Variants in SIK3 observed in about 807,000 individuals in gnomAD.
The protein encoded by SIK3 is SIK family kinase 3, also known as serine/threonine-protein kinase SIK3.
A neutral mutation model predicts 144.2 loss-of-function variants in SIK3; 28 were observed. The ratio of observed to expected loss-of-function variants is 0.19; its 90% confidence interval spans 0.14 to 0.27. The LOEUF (loss-of-function observed/expected upper bound fraction) is 0.27. SIK3 is among the 10% of genes least tolerant of loss of function. SIK3 has a pLI of 1.00. For synonymous variants in SIK3, 686 were observed against 676.3 expected (o/e 1.01, Z -0.22); for missense variants, 1,319 against 1,776.0 (o/e 0.74, Z 4.62).
chr11:116,937,194 T>G (rs896849314), intron 3 of SIK3, among the ~76,000 whole-genome samples: 2 of 152,096 alleles, frequency 1.3e-5, no homozygotes, highest in Admixed American at 6.6e-5. Flanking sequence ...ATATGTAGAG[T>G]GTGTTTCTGT....
chr11:116,932,160 C>G (rs1233148427), intron 3 of SIK3, among the ~76,000 whole-genome samples: 4 of 152,218 alleles, frequency 2.6e-5, no homozygotes, highest in Non-Finnish European at 5.9e-5. Context: ...TCACTCCACT[C>G]TAGTGCCACC....
chr11:117,054,317 T>G (rs1457736718), intron 1 of SIK3, among the ~76,000 whole-genome samples: 1 of 152,134 alleles, frequency 6.6e-6, no homozygotes, highest in Non-Finnish European at 1.5e-5. Flanking sequence ...GTATGAGATT[T>G]AGAGTACAGG....
intron 6 of SIK3, among the ~76,000 whole-genome samples, chr11:116,884,350 CT>C (rs71037434): frequency 7.2e-4 from 92 of 128,148 alleles, no homozygotes; most frequent in South Asian, 7.8e-4. Context: ...CCACATCTGG[CT>C]TTTTTTTTTT....
chr11:117,012,876 G>C (rs1190608249), intron 1 of SIK3, among the ~76,000 whole-genome samples: 1 of 101,852 alleles, frequency 9.8e-6, no homozygotes, highest in East Asian at 3.0e-4. Flanking sequence ...TTTTGAGACA[G>C]AGTCTCGCTC....
chr11:117,018,724 T>TA (rs200266018), intron 1 of SIK3, among the ~76,000 whole-genome samples: 47,525 of 151,286 alleles, frequency 0.31, 8,448 homozygotes, highest in African/African-American at 0.49. Context: ...TTATTTATTT[T>TA]TTTTTTTTGA....
chr11:116,893,923 G>C (rs1286908141), intron 6 of SIK3: 1 of 166,804 alleles, frequency 6.0e-6, no homozygotes, highest in Admixed American at 6.6e-5. Flanking sequence ...TTAAGCTTTT[G>C]CTCCTGTTCC....
At chr11:116,875,600 G>A in intron 9 of SIK3, 149 bp from the exon 10 acceptor site, 1 of 883,318 alleles carries the variant, frequency 1.1e-6, no homozygotes, top group Non-Finnish European at 1.7e-6. Context: ...CAACAAGGAA[G>A]CATCCTGTGA....
chr11:117,021,114 A>G (rs1244264395), intron 1 of SIK3, among the ~76,000 whole-genome samples: 1 of 152,200 alleles, frequency 6.6e-6, no homozygotes, highest in African/African-American at 2.4e-5. Context: ...GTGTGGGGAC[A>G]CACTCCCACA....
intron 1 of SIK3, among the ~76,000 whole-genome samples, chr11:117,029,129 G>A (rs763412239): frequency 2.6e-5 from 4 of 152,224 alleles, no homozygotes; most frequent in South Asian, 2.1e-4. Flanking sequence ...GGCTGGTCTC[G>A]AACTCTTGAC....
chr11:116,954,123 G>T lies in SIK3; in HGVS notation c.391-16C>A. The T allele has an allele frequency of 1.2e-6, 2 of 1,611,164 alleles. No individual in the cohort carries two copies. Among genetic ancestry groups the T allele is most frequent in the Non-Finnish European group, 1.7e-6 (2 of 1,177,648 alleles). ...TCTCCATAACCTGGTGCAAAGGCAG[G>T]AAAGTGACAGACAGTGACACAAATG... On this transcript the variant is annotated splice_polypyrimidine_tract_variant and intron_variant, in intron 2 of 24. Transcript: ENST00000445177.
At chr11:116,947,184 A>AATATATTATATATAAATTATTATTTAT (rs1305739350) in intron 3 of SIK3, among the ~76,000 whole-genome samples, 13 of 121,554 alleles carry the variant, frequency 1.1e-4, no homozygotes, top group East Asian at 4.3e-4. Context: ...ATTTATATAT[A>AATATATTATATATAAATTATTATTTAT]ATATATTATA....
In SIK3 at chr11:117,025,668, GTGA is replaced by G. The variant is rs527692741; in HGVS notation, c.274-68607_274-68605del. ...TGGTCTTGAACTCCTAATCACTCAA[GTGA>G]TCCACCTGTCTCAGCCTCCCAAAAT... is the stretch of plus-strand genomic sequence containing the variant. On this transcript the variant is annotated intron_variant, in intron 1 of 24. Coordinates refer to ENST00000445177, the MANE Select transcript of SIK3 (RefSeq NM_001366686.3). 4.6e-5 allele frequency among the ~76,000 whole-genome samples: 7 copies of G among 152,134 alleles called. No individual in the cohort carries two copies. The East Asian group carries it at 1.2e-3, about 25-fold the overall frequency.
chr11:116,984,785 C>T lies in SIK3; in HGVS notation c.274-27721G>A, dbSNP rs113526029. Among the ~76,000 whole-genome samples the T allele has an allele frequency of 2.0e-3, 306 of 152,232 alleles. 1 individual carries two copies. Among genetic ancestry groups the T allele is most frequent in the Middle Eastern group, 6.8e-3 (2 of 294 alleles). On this transcript the variant is annotated intron_variant, in intron 1 of 24. Transcript: ENST00000445177. ...TACCAACAAAATACCAAGGCCATTACGCAATTTGTGGTTTCTTCTCATAAC... is the reference window on the plus strand; with the variant it reads ...TACCAACAAAATACCAAGGCCATTATGCAATTTGTGGTTTCTTCTCATAAC...
intron 1 of SIK3, among the ~76,000 whole-genome samples, chr11:117,011,282 T>C (rs747085437): frequency 1.3e-5 from 2 of 151,962 alleles, no homozygotes; most frequent in African/African-American, 2.4e-5. Context: ...GTGCTGCAAA[T>C]AGATTAGTCA....
intron 1 of SIK3, among the ~76,000 whole-genome samples, chr11:116,974,598 T>C (rs1949883361): frequency 6.6e-6 from 1 of 152,128 alleles, no homozygotes; most frequent in Admixed American, 6.5e-5. Context: ...AGTGTCTTGT[T>C]ATATTGCCCA....
chr11:116,849,009 G>A lies in SIK3; in HGVS notation c.3819+111C>T. On this transcript the variant is annotated intron_variant, in intron 22 of 24. Coordinates refer to ENST00000445177, the MANE Select transcript of SIK3 (RefSeq NM_001366686.3). The surrounding 1 kb of genome is among the most constrained non-coding windows in gnomAD (Gnocchi z 4.2). ...GCTCCCCACCGTTTCCAGAAAGGCT[G>A]AATGCTGACTGAGGAGAGCGGCCAA... is the stretch of plus-strand genomic sequence containing the variant. 8.1e-7 allele frequency: 1 copy of A among 1,233,256 alleles called. No individual in the cohort carries two copies. The highest frequency in any genetic ancestry group is 1.1e-6 in the Non-Finnish European group (1 of 912,036). 76.4% of individuals were successfully genotyped at this position (1,233,256 alleles called of 1,614,324 possible).
intron 1 of SIK3, among the ~76,000 whole-genome samples, chr11:117,073,970 C>T (rs557703648): frequency 2.0e-4 from 30 of 152,304 alleles, no homozygotes; most frequent in African/African-American, 6.3e-4. Flanking sequence ...GGCTAGAATG[C>T]AGTGGCACAA....
At position 116,875,927 on chromosome 11, in the gene SIK3, C is replaced by T. The variant is rs566690604; in HGVS notation, c.1178G>A (p.Arg393His). ...CDRHKRHKTLRLGALPSMPRA... is the reference protein window; with the variant it reads ...CDRHKRHKTLHLGALPSMPRA... ...GGGCATGCTAGGAAGTGCTCCGAGACGCAGGGTTTTATGTCTCTTATGTCG... is the reference window on the plus strand; with the variant it reads ...GGGCATGCTAGGAAGTGCTCCGAGATGCAGGGTTTTATGTCTCTTATGTCG... Residue 393 changes from arginine to histidine, a missense_variant, in exon 9 of 25, where the codon CGT becomes CAT. Around this residue, in one of 8 missense-constraint regions of SIK3, gnomAD observed 109 missense variants for 109.3 expected, o/e 1.00. Transcript: ENST00000445177. 4.9e-5 allele frequency: 79 copies of T among 1,613,156 alleles called. No homozygotes were observed. Among genetic ancestry groups the T allele is most frequent in the South Asian group, 8.8e-5 (8 of 91,036 alleles).
intron 1 of SIK3, among the ~76,000 whole-genome samples, chr11:116,988,355 C>A (rs1314376113): frequency 6.6e-6 from 1 of 151,204 alleles, no homozygotes; most frequent in Non-Finnish European, 1.5e-5. Context: ...CACTGCACTC[C>A]AGCCCGGGCA....
Sources: allele counts gnomAD v4.1 joint callset (sites outside exome capture counted in the v4.1 genomes callset), GRCh38; gene constraint gnomAD v4.1.1; regional missense constraint gnomAD v4.1.1; non-coding constraint Gnocchi (gnomAD v3.1); transcripts MANE v1.5; gene names NCBI Gene and HGNC (gene_info 2026-07-23, HGNC 2026-07-21).